The following STK32B variants were observed in gnomAD, a reference collection of about 807,000 sequenced individuals.
STK32B encodes the protein serine/threonine kinase 32B.
Under a neutral mutation model 52.6 loss-of-function variants are expected in STK32B, and 43 were observed. That is an observed-to-expected ratio of 0.82 (90% CI 0.64 to 1.05). The LOEUF is 1.05. STK32B is among the 50% of genes least tolerant of loss of function. The pLI is 0.00. For synonymous variants in STK32B, 238 were observed against 204.3 expected, an observed-to-expected ratio of 1.17 and a Z score of -1.41; for missense variants, 621 against 534.6, an observed-to-expected ratio of 1.16 and a Z score of -1.59.
chr4:5,447,035 C>G, intron 7 of STK32B: 1 of 354,510 alleles, frequency 2.8e-6, no homozygotes, highest in East Asian at 4.9e-5. Flanking sequence ...GGATCAGTGA[C>G]AAGTCAAACA....
At chr4:5,123,645 G>A (rs1340036894) in intron 1 of STK32B, among the ~76,000 whole-genome samples, 2 of 151,976 alleles carry the variant, frequency 1.3e-5, no homozygotes, top group East Asian at 3.9e-4. Flanking sequence ...GGCCACCCTG[G>A]GTGCATCTGT....
rs553971856 is a variant in STK32B, at chr4:5,330,414, T to C, written c.261-806T>C. Among the ~76,000 whole-genome samples the C allele has an allele frequency of 1.1e-4, 17 of 152,350 alleles. No individual in the cohort carries two copies. In the South Asian group the frequency reaches 3.1e-3, roughly 28 times the overall value. On this transcript the variant is annotated intron_variant, in intron 3 of 11. Transcript: ENST00000282908. The stretch of plus-strand genomic sequence containing the variant: ...GCATTTTGTTAAATGAATTTGGTAC[T>C]GTATCAATTTTCTACTGTTTCAAAA...
chr4:5,221,047 A>G (rs990627701), intron 3 of STK32B, among the ~76,000 whole-genome samples: 5 of 152,152 alleles, frequency 3.3e-5, no homozygotes, highest in East Asian at 3.9e-4. Context: ...TAATTGTCAT[A>G]TTGAAGTTGA....
At chr4:5,175,547 T>C (rs1411130247) in intron 3 of STK32B, among the ~76,000 whole-genome samples, 1 of 152,244 alleles carries the variant, frequency 6.6e-6, no homozygotes, top group African/African-American at 2.4e-5. Context: ...TTAGGTCTGT[T>C]GGAGTTTAAT....
intron 5 of STK32B, among the ~76,000 whole-genome samples, chr4:5,404,558 A>G (rs939888574): frequency 6.6e-6 from 1 of 152,122 alleles, no homozygotes; most frequent in African/African-American, 2.4e-5. Flanking sequence ...TACATAGTAC[A>G]TTCATTCATT....
chr4:5,049,444 C>T (rs1741675570), upstream of STK32B, among the ~76,000 whole-genome samples: 4 of 151,938 alleles, frequency 2.6e-5, no homozygotes, highest in South Asian at 4.2e-4. Flanking sequence ...GGGCTGAGTC[C>T]GAAAAGAGAG....
At chr4:5,122,566 CACTT>C (rs1715118322) in intron 1 of STK32B, among the ~76,000 whole-genome samples, 5 of 151,916 alleles carry the variant, frequency 3.3e-5, no homozygotes, top group African/African-American at 1.2e-4. Context: ...TTCACTCACT[CACTT>C]GCTCATTCAC....
chr4:5,417,530 G>A (rs777900864), intron 6 of STK32B, among the ~76,000 whole-genome samples: 1 of 151,778 alleles, frequency 6.6e-6, no homozygotes, highest in Non-Finnish European at 1.5e-5. Context: ...TTCTCCCAAG[G>A]CATTATCTAT....
chr4:5,216,186 C>A (rs998714423), intron 3 of STK32B, among the ~76,000 whole-genome samples: 1 of 152,170 alleles, frequency 6.6e-6, no homozygotes, highest in Non-Finnish European at 1.5e-5. Flanking sequence ...TTTAGTGGAT[C>A]TGGGTTTGGA....
intron 9 of STK32B, among the ~76,000 whole-genome samples, chr4:5,463,745 T>A (rs1313364751): frequency 6.6e-6 from 1 of 152,248 alleles, no homozygotes. Flanking sequence ...CCTCTGGCTG[T>A]GCTGTCTCCT....
At chr4:5,275,323 G>T (rs1419961901) in intron 3 of STK32B, among the ~76,000 whole-genome samples, 1 of 152,232 alleles carries the variant, frequency 6.6e-6, no homozygotes, top group African/African-American at 2.4e-5. Flanking sequence ...CAGTTTGGCA[G>T]ATCTTATTTT....
At chr4:5,124,270 G>T (rs570881064) in intron 1 of STK32B, among the ~76,000 whole-genome samples, 3 of 152,312 alleles carry the variant, frequency 2.0e-5, no homozygotes, top group South Asian at 2.1e-4. Context: ...TGAGCAAAAG[G>T]TTTCACTGGG....
chr4:5,314,132 A>G (rs1257751362), intron 3 of STK32B, among the ~76,000 whole-genome samples: 2 of 150,686 alleles, frequency 1.3e-5, no homozygotes, highest in Admixed American at 6.6e-5. Flanking sequence ...AAAAAAAAAT[A>G]AAGCAGGAGT....
intron 3 of STK32B, chr4:5,204,120 C>G (rs959015783): frequency 1.3e-5 from 2 of 152,218 alleles, no homozygotes; most frequent in African/African-American, 4.8e-5. Context: ...GCAGATGAAG[C>G]CTCATCTCAA....
At chr4:5,161,378 C>T (rs1718432122) in intron 2 of STK32B, among the ~76,000 whole-genome samples, 1 of 152,154 alleles carries the variant, frequency 6.6e-6, no homozygotes, top group Non-Finnish European at 1.5e-5. Context: ...TCTCACATAA[C>T]AAGAAATCTG....
At chr4:5,308,602 C>T (rs1304558884) in intron 3 of STK32B, among the ~76,000 whole-genome samples, 1 of 152,122 alleles carries the variant, frequency 6.6e-6, no homozygotes, top group Non-Finnish European at 1.5e-5. Flanking sequence ...TTCATATGTG[C>T]CAGGTGCCTT....
intron 3 of STK32B, among the ~76,000 whole-genome samples, chr4:5,315,280 G>T (rs928850148): frequency 6.6e-6 from 1 of 152,022 alleles, no homozygotes; most frequent in Non-Finnish European, 1.5e-5. Flanking sequence ...AATGAGATGT[G>T]ACTACACACC....
Position 5,155,818 on chromosome 4 carries a change from T to C in STK32B, c.109-12481T>C, listed in dbSNP as rs373660622. ...CTGGCCAAACGGAACTGTGAGTCAA[T>C]TAAACCTCTTTTCTTTATAAATTAC... On this transcript the variant is annotated intron_variant, in intron 2 of 11. Transcript: ENST00000282908. 2.6e-5 allele frequency among the ~76,000 whole-genome samples: 4 copies of C among 152,288 alleles called. No individual in the cohort carries two copies. In the East Asian group the frequency reaches 7.7e-4, roughly 29 times the overall value.
chr4:5,436,237 GC>G (rs1714064187), intron 6 of STK32B, among the ~76,000 whole-genome samples: 1 of 152,156 alleles, frequency 6.6e-6, no homozygotes, highest in Admixed American at 6.5e-5. Flanking sequence ...ACTGAGTTGG[GC>G]CCCTGTGAAC....
Sources: gnomAD v4.1 joint callset for allele counts (sites outside exome capture counted in the v4.1 genomes callset) on GRCh38, gnomAD v4.1.1 for gene constraint, MANE v1.5 for transcripts, NCBI Gene and HGNC (gene_info 2026-07-23, HGNC 2026-07-21) for gene names.